MYO1F: variants seen among roughly 807,000 people sequenced by gnomAD.
MYO1F encodes the protein unconventional myosin-If.
Under a neutral mutation model 146.6 loss-of-function variants are expected in MYO1F, and 60 were observed. The ratio of observed to expected loss-of-function variants is 0.41; its 90% confidence interval spans 0.33 to 0.51. MYO1F has a LOEUF of 0.51. Ranked by LOEUF, MYO1F falls within the 20% of genes least tolerant of loss-of-function variation. MYO1F has a pLI of 0.25. For synonymous variants in MYO1F, 602 were observed against 602.1 expected, an observed-to-expected ratio of 1.00 and a Z score of 0.00; for missense variants, 1,274 against 1,534.3, an observed-to-expected ratio of 0.83 and a Z score of 2.83.
chr19:8,568,434 A>AAAAAAT (rs1555731035), intron 1 of MYO1F, among the ~76,000 whole-genome samples: 1 of 151,224 alleles, frequency 6.6e-6, no homozygotes, highest in Non-Finnish European at 1.5e-5. Flanking sequence ...AAAAAAAAAA[A>AAAAAAT]AAAAAAAAAA....
Position 8,554,469 on chromosome 19 carries a change from G to C in MYO1F, c.326+8C>G. The C allele has an allele frequency of 1.2e-6, 2 of 1,600,802 alleles. No individual in the cohort carries two copies. The highest frequency in any genetic ancestry group is 1.3e-5 in the African/African-American group (1 of 74,700). On this transcript the variant is annotated splice_region_variant and intron_variant, in intron 4 of 27. Transcript: ENST00000644032. ...GCAGGGTCTGTGGCCCCCCAACTCT[G>C]TCCATACCTAATGATGACACACTGG...
Position 8,521,805 on chromosome 19 carries a change from T to C in MYO1F, c.3221-201A>G, listed in dbSNP as rs192771381. Among the ~76,000 whole-genome samples the C allele has an allele frequency of 2.3e-3, 343 of 152,044 alleles. 2 individuals are homozygous for C. The highest frequency in any genetic ancestry group is 4.9e-4 in the Non-Finnish European group (33 of 67,950). On this transcript the variant is annotated intron_variant, in intron 27 of 27. Coordinates refer to ENST00000644032, the MANE Select transcript of MYO1F (RefSeq NM_012335.4). The stretch of plus-strand genomic sequence containing the variant: ...AGCCACTGCATCCGGCCATTTCTAC[T>C]CTTTAAAAGTTTTTTTTTTGTAAAT...
intron 12 of MYO1F, among the ~76,000 whole-genome samples, chr19:8,546,774 G>T (rs1033349518): frequency 2.0e-5 from 3 of 152,100 alleles, no homozygotes; most frequent in Admixed American, 6.6e-5. Flanking sequence ...TGCCTCCTGG[G>T]TTCAAGCAAT....
At chr19:8,567,058 ATT>A (rs768377216) in intron 1 of MYO1F, among the ~76,000 whole-genome samples, 15 of 127,674 alleles carry the variant, frequency 1.2e-4, no homozygotes, top group African/African-American at 2.7e-4. Flanking sequence ...ACTGGGTCCA[ATT>A]TTTTTTTTTT....
In MYO1F at chr19:8,522,766, G is replaced by A; in HGVS notation, c.2918C>T (p.Ser973Phe). 6.2e-7 allele frequency: 1 copy of A among 1,609,510 alleles called. No homozygotes were observed. The highest frequency in any genetic ancestry group is 8.5e-7 in the Non-Finnish European group (1 of 1,178,812). ...RGGPLPLEIM[S>F]GGGTHRPPRG... is the part of the protein sequence containing the mutation. Reference sequence around the variant, plus strand: ...GGGAGGCCTGTGGGTGCCCCCTCCAGACATGATCTCCAGGGGCAGGGGGCC... The same window carrying A: ...GGGAGGCCTGTGGGTGCCCCCTCCAAACATGATCTCCAGGGGCAGGGGGCC... The change falls in exon 26 of 28, where the codon TCT becomes TTT. Residue 973 changes from serine (S) to phenylalanine (F), a missense_variant. By Grantham distance (155) the Ser-to-Phe change is radical. Coordinates refer to ENST00000644032, the MANE Select transcript of MYO1F (RefSeq NM_012335.4).
chr19:8,543,904 T>C (rs1599956292), intron 14 of MYO1F, among the ~76,000 whole-genome samples: 1 of 83,652 alleles, frequency 1.2e-5, no homozygotes, highest in Non-Finnish European at 2.2e-5. Flanking sequence ...GTGCTGGTGG[T>C]GGTGGTGGTG....
At chr19:8,562,169 T>TC (rs1191755315) in intron 1 of MYO1F, among the ~76,000 whole-genome samples, 1 of 151,724 alleles carries the variant, frequency 6.6e-6, no homozygotes, top group Non-Finnish European at 1.5e-5. Flanking sequence ...TTTTCTTTTT[T>TC]TTTTTGTATT....
chr19:8,560,886 C>G (rs1974067092), intron 1 of MYO1F, among the ~76,000 whole-genome samples: 3 of 151,908 alleles, frequency 2.0e-5, no homozygotes, highest in Admixed American at 1.3e-4. Context: ...CTACAGGCGC[C>G]CGCCACCACG....
chr19:8,568,296 G>A (rs1288556841), intron 1 of MYO1F, among the ~76,000 whole-genome samples: 9 of 151,910 alleles, frequency 5.9e-5, no homozygotes, highest in Non-Finnish European at 8.8e-5. Context: ...GGTGGCGGGC[G>A]CCCGTAGTCC....
intron 1 of MYO1F, among the ~76,000 whole-genome samples, chr19:8,569,603 G>T (rs563166463): frequency 6.6e-6 from 1 of 152,150 alleles, no homozygotes; most frequent in African/African-American, 2.4e-5. Context: ...CTGCCCTTGG[G>T]GGGCTCGGTG....
chr19:8,545,470 C>T lies in MYO1F; in HGVS notation c.1356+180G>A, dbSNP rs112630616. On this transcript the variant is annotated intron_variant, in intron 13 of 27. Transcript: ENST00000644032. The stretch of plus-strand genomic sequence containing the variant: ...ATTAAGTGAAAGGTGGACAAGTAGG[C>T]GGAATGAATGGATGAGGGGCGGAAG... 3.2e-3 allele frequency: 2,193 copies of T among 679,214 alleles called. 35 individuals are homozygous for T. The African/African-American group carries it at 0.034, about 10-fold the overall frequency. The allele number at this position is 679,214 out of a possible 1,614,324, so 42.1% of individuals were successfully genotyped here.
intron 1 of MYO1F, among the ~76,000 whole-genome samples, chr19:8,575,782 C>T (rs990326447): frequency 2.0e-5 from 3 of 152,124 alleles, no homozygotes; most frequent in Non-Finnish European, 2.9e-5. Context: ...TCTGCCAAGC[C>T]GACTGTTGAC....
intron 19 of MYO1F, among the ~76,000 whole-genome samples, chr19:8,533,495 C>T (rs1324329536): frequency 2.0e-5 from 3 of 152,094 alleles, no homozygotes; most frequent in African/African-American, 4.8e-5. Flanking sequence ...GCTGGGACTA[C>T]AGGCGCCCGC....
Position 8,577,354 on chromosome 19 carries a change from C to T in MYO1F, c.-45G>A, listed in dbSNP as rs781845546. Reference sequence around the variant, plus strand: ...GGCTCCTGGAGGCTCCTGAATGGGTCGTGATGGAGGTGCAGGTTCAGGGGG... The same window carrying T: ...GGCTCCTGGAGGCTCCTGAATGGGTTGTGATGGAGGTGCAGGTTCAGGGGG... On this transcript the variant is annotated 5_prime_UTR_variant, in exon 1 of 28. Transcript: ENST00000644032. The surrounding 1 kb of genome is among the most constrained non-coding windows in gnomAD (Gnocchi z 4.3). 2.8e-5 allele frequency: 45 copies of T among 1,613,170 alleles called. No individual in the cohort carries two copies. The highest frequency in any genetic ancestry group is 5.0e-5 in the Admixed American group (3 of 59,916).
intron 1 of MYO1F, among the ~76,000 whole-genome samples, chr19:8,567,345 A>G (rs1157895735): frequency 6.6e-6 from 1 of 151,570 alleles, no homozygotes; most frequent in Non-Finnish European, 1.5e-5. Flanking sequence ...AATTACAGGC[A>G]TGAGCCACCG....
At chr19:8,571,580 A>G (rs2042109408) in intron 1 of MYO1F, among the ~76,000 whole-genome samples, 1 of 138,386 alleles carries the variant, frequency 7.2e-6, no homozygotes, top group African/African-American at 2.6e-5. Context: ...GCGCCCGGCT[A>G]ATTTTTTTTT....
At chr19:8,550,928 T>C (rs532105665) in intron 8 of MYO1F, among the ~76,000 whole-genome samples, 3 of 152,160 alleles carry the variant, frequency 2.0e-5, no homozygotes, top group Non-Finnish European at 4.4e-5. Flanking sequence ...TTGCCCAGGC[T>C]GGAGTGCAGT....
intron 15 of MYO1F, 51 bp from the exon 16 acceptor site, chr19:8,540,079 G>T: frequency 6.8e-7 from 1 of 1,481,192 alleles, no homozygotes; most frequent in Non-Finnish European, 9.3e-7. Flanking sequence ...AGACTTTCGG[G>T]TACTCTTCCT....
intron 13 of MYO1F, among the ~76,000 whole-genome samples, chr19:8,545,152 A>G (rs1262371147): frequency 2.6e-5 from 4 of 151,844 alleles, no homozygotes; most frequent in African/African-American, 9.7e-5. Context: ...TGGTGGTGCA[A>G]TCATAGCTCA....
Sources: gnomAD v4.1 joint callset for allele counts (sites outside exome capture counted in the v4.1 genomes callset) on GRCh38, gnomAD v4.1.1 for gene constraint, Gnocchi (gnomAD v3.1) non-coding constraint, MANE v1.5 for transcripts, NCBI Gene and HGNC (gene_info 2026-07-23, HGNC 2026-07-21) for gene names.